Variants in RGS6 observed in about 807,000 individuals in gnomAD.
The protein encoded by RGS6 is regulator of G-protein signaling 6.
In RGS6, 30 loss-of-function variants were observed where a neutral mutation model predicts 78.5. The ratio of observed to expected loss-of-function variants is 0.38; its 90% confidence interval spans 0.29 to 0.52. The LOEUF (loss-of-function observed/expected upper bound fraction) is 0.52, where lower values mean the gene tolerates loss of function less well. RGS6 is among the 20% of genes least tolerant of loss of function. The pLI is 0.85. For missense variants in RGS6, 495 were observed against 609.7 expected, an observed-to-expected ratio of 0.81 and a Z score of 1.98; for synonymous variants, 206 against 206.0, an observed-to-expected ratio of 1.00 and a Z score of 0.00.
intron 3 of RGS6, among the ~76,000 whole-genome samples, chr14:72,446,791 T>C (rs180702261): frequency 1.4e-3 from 207 of 152,210 alleles, no homozygotes; most frequent in Non-Finnish European, 2.1e-3. Context: ...TAGATTCTCA[T>C]AAGGAGCGTG....
downstream of RGS6, among the ~76,000 whole-genome samples, chr14:72,570,092 C>A (rs534106484): frequency 2.0e-5 from 3 of 152,138 alleles, no homozygotes; most frequent in African/African-American, 7.2e-5. Flanking sequence ...ACAGTTTCCA[C>A]GGATTCAACA....
intron 2 of RGS6, among the ~76,000 whole-genome samples, chr14:72,270,361 G>A (rs1789800710): frequency 6.6e-6 from 1 of 152,194 alleles, no homozygotes; most frequent in Non-Finnish European, 1.5e-5. Flanking sequence ...GAAAGAAAGA[G>A]GAAATAAAAC....
intron 2 of RGS6, among the ~76,000 whole-genome samples, chr14:72,237,314 C>CT (rs1287567440): frequency 6.6e-6 from 1 of 152,070 alleles, no homozygotes; most frequent in Non-Finnish European, 1.5e-5. Flanking sequence ...TGTGCATGTT[C>CT]TTATGCAAGT....
chr14:71,876,454 A>G, the RGS6 span, among the ~76,000 whole-genome samples: 1 of 132,506 alleles, frequency 7.5e-6, no homozygotes, highest in Non-Finnish European at 1.6e-5. Flanking sequence ...TTTATCAGAG[A>G]CTAGGTTTGC....
At chr14:72,222,839 G>A (rs762935689) in intron 2 of RGS6, among the ~76,000 whole-genome samples, 3 of 152,176 alleles carry the variant, frequency 2.0e-5, no homozygotes, top group Non-Finnish European at 4.4e-5. Flanking sequence ...GCCTCCATGA[G>A]CAAATCACTT....
At chr14:72,319,369 A>G (rs964370521) in intron 2 of RGS6, among the ~76,000 whole-genome samples, 1 of 145,682 alleles carries the variant, frequency 6.9e-6, no homozygotes, top group African/African-American at 2.6e-5. Flanking sequence ...TTTTTTTTTG[A>G]GACGGAGTCT....
intron 3 of RGS6, among the ~76,000 whole-genome samples, chr14:72,427,964 AC>A (rs1165250798): frequency 1.3e-5 from 2 of 152,060 alleles, no homozygotes; most frequent in African/African-American, 4.8e-5. Flanking sequence ...TTCCCTTCCA[AC>A]CCCAATTTAG....
intron 2 of RGS6, among the ~76,000 whole-genome samples, chr14:72,293,153 G>A (rs376644808): frequency 2.2e-4 from 34 of 152,202 alleles, no homozygotes; most frequent in East Asian, 3.9e-4. Context: ...AAAAATCTGC[G>A]TCCAGTTATA....
At chr14:72,297,596 C>T (rs61995106) in intron 2 of RGS6, among the ~76,000 whole-genome samples, 3 of 127,330 alleles carry the variant, frequency 2.4e-5, no homozygotes, top group African/African-American at 5.9e-5. Context: ...CACCACAGTC[C>T]CCAGAGTGTG....
At chr14:72,325,074 T>C (rs1051015045) in intron 2 of RGS6, among the ~76,000 whole-genome samples, 1 of 152,216 alleles carries the variant, frequency 6.6e-6, no homozygotes, top group East Asian at 1.9e-4. Flanking sequence ...GGTATCTCAT[T>C]GTGGTTTTGA....
intron 2 of RGS6, among the ~76,000 whole-genome samples, chr14:72,151,382 G>T (rs1468740348): frequency 6.6e-6 from 1 of 152,212 alleles, no homozygotes; most frequent in Non-Finnish European, 1.5e-5. Context: ...TTATCAGCAG[G>T]ACTTGTGTTT....
chr14:72,603,824 A>C, the RGS6 span, among the ~76,000 whole-genome samples: 1 of 152,226 alleles, frequency 6.6e-6, no homozygotes, highest in Non-Finnish European at 1.5e-5. Flanking sequence ...AGAGATCTCC[A>C]TTCAACCACA....
intron 2 of RGS6, among the ~76,000 whole-genome samples, chr14:72,181,467 G>T (rs1198095072): frequency 1.3e-5 from 2 of 152,184 alleles, no homozygotes; most frequent in Non-Finnish European, 2.9e-5. Flanking sequence ...TTACTTAAAT[G>T]TGTTACCTTT....
At chr14:72,433,919 TAGTA>T (rs1204221007) in intron 3 of RGS6, among the ~76,000 whole-genome samples, 1 of 152,228 alleles carries the variant, frequency 6.6e-6, no homozygotes, top group Non-Finnish European at 1.5e-5. Flanking sequence ...GCCTAGCAAA[TAGTA>T]AGCCCTATGT....
intron 2 of RGS6, among the ~76,000 whole-genome samples, chr14:72,148,647 T>C (rs1317685608): frequency 6.6e-6 from 1 of 152,136 alleles, no homozygotes; most frequent in Non-Finnish European, 1.5e-5. Context: ...TAGAACTTGG[T>C]ATTGATTGAA....
intron 2 of RGS6, among the ~76,000 whole-genome samples, chr14:72,307,264 A>ATACTGGGACTTATGTGCT (rs1295725636): frequency 6.6e-6 from 1 of 151,966 alleles, no homozygotes; most frequent in Non-Finnish European, 1.5e-5. Context: ...ACATAATTTT[A>ATACTGGGACTTATGTGCT]TATGTGCTGG....
At chr14:72,451,454 C>T (rs533564651) in intron 3 of RGS6, among the ~76,000 whole-genome samples, 7 of 152,028 alleles carry the variant, frequency 4.6e-5, no homozygotes, top group African/African-American at 1.7e-4. Context: ...AAGCCAAAAG[C>T]GGGTGGAAAC....
In RGS6 at chr14:72,493,222, C is replaced by T. The variant is rs555142043; in HGVS notation, c.855-1930C>T. On this transcript the variant is annotated intron_variant, in intron 12 of 17. Coordinates refer to ENST00000553525, the MANE Select transcript of RGS6 (RefSeq NM_001204424.2). ...GTGAAAGAGTATAATCAAAATAAAC[C>T]GACAGAAAAAAGGAACTTGGAAGAA... 3.4e-4 allele frequency among the ~76,000 whole-genome samples: 52 copies of T among 151,972 alleles called. 1 individual carries two copies. The highest frequency in any genetic ancestry group is 1.0e-3 in the South Asian group (5 of 4,796).
intron 1 of RGS6, among the ~76,000 whole-genome samples, chr14:71,957,727 A>G (rs2092898665): frequency 6.6e-6 from 1 of 152,030 alleles, no homozygotes; most frequent in African/African-American, 2.4e-5. Context: ...CTCCTAGCTT[A>G]ATTTTTAGAA....
Sources: allele counts gnomAD v4.1 joint callset (sites outside exome capture counted in the v4.1 genomes callset), GRCh38; gene constraint gnomAD v4.1.1; transcripts MANE v1.5; gene names NCBI Gene and HGNC (gene_info 2026-07-23, HGNC 2026-07-21).